CCDC170: variants seen among roughly 807,000 people sequenced by gnomAD.
CCDC170 encodes coiled-coil domain containing 170.
In CCDC170, 69 loss-of-function variants were observed where a neutral mutation model predicts 72.6. The observed-to-expected ratio is 0.95, with a 90% CI of 0.78 to 1.16. The LOEUF (loss-of-function observed/expected upper bound fraction) is 1.16, where lower values mean the gene tolerates loss of function less well. CCDC170 is among the 50% of genes most tolerant of loss of function. CCDC170 has a pLI of 0.00. For synonymous variants in CCDC170, 300 were observed against 303.9 expected (o/e 0.99, Z 0.13); for missense variants, 852 against 832.5 (o/e 1.02, Z -0.29).
At chr6:151,587,510 G>C (rs148514615) in intron 7 of CCDC170, among the ~76,000 whole-genome samples, 1 of 152,184 alleles carries the variant, frequency 6.6e-6, no homozygotes, top group African/African-American at 2.4e-5. Flanking sequence ...ACAGGCCCAA[G>C]AGCCTCGATG....
chr6:151,572,548 TTTTATTA>T (rs1217095320), intron 5 of CCDC170, among the ~76,000 whole-genome samples: 1 of 152,090 alleles, frequency 6.6e-6, no homozygotes, highest in Non-Finnish European at 1.5e-5. Flanking sequence ...AATGATTTGT[TTTTATTA>T]ACTCTTTCCA....
intron 7 of CCDC170, among the ~76,000 whole-genome samples, chr6:151,591,639 T>C (rs536248443): frequency 2.6e-5 from 4 of 151,816 alleles, no homozygotes; most frequent in Middle Eastern, 3.4e-3. Context: ...GGACTACAGG[T>C]GCCCGCCACC....
At chr6:151,511,492 A>T (rs1202049986) in intron 1 of CCDC170, among the ~76,000 whole-genome samples, 2 of 152,206 alleles carry the variant, frequency 1.3e-5, no homozygotes, top group African/African-American at 4.8e-5. Flanking sequence ...CATTCACCAG[A>T]TATTTATGGG....
At chr6:151,534,042 T>C (rs576594199) in intron 1 of CCDC170, among the ~76,000 whole-genome samples, 4 of 151,668 alleles carry the variant, frequency 2.6e-5, no homozygotes, top group Non-Finnish European at 5.9e-5. Flanking sequence ...CTTTCTTTCT[T>C]TTCTCGTTCA....
chr6:151,574,130 T>A (rs142194769), intron 6 of CCDC170, among the ~76,000 whole-genome samples: 94 of 152,378 alleles, frequency 6.2e-4, no homozygotes, highest in African/African-American at 2.1e-3. Flanking sequence ...GAAGAATTTC[T>A]TGAGCCCACG....
intron 5 of CCDC170, among the ~76,000 whole-genome samples, chr6:151,560,015 T>C (rs1365431832): frequency 6.6e-6 from 1 of 152,210 alleles, no homozygotes; most frequent in Non-Finnish European, 1.5e-5. Context: ...TTTTTGTAGT[T>C]CCATTAGGTG....
Position 151,596,490 on chromosome 6 carries a change from G to A in CCDC170, c.1623G>A (p.Lys541=), listed in dbSNP as rs1487259214. ...AHLTIRNLQK[K]VERLQKELNT... ...TTACCATCAGGAACTTGCAGAAGAAGGTGGAGAGGCTGCAGAAAGAGCTGA... is the reference window on the plus strand; with the variant it reads ...TTACCATCAGGAACTTGCAGAAGAAAGTGGAGAGGCTGCAGAAAGAGCTGA... Residue 541 remains lysine (K), a synonymous_variant, in exon 9 of 11, where the codon AAG becomes AAA. Transcript: ENST00000239374. 1.2e-6 allele frequency: 2 copies of A among 1,614,106 alleles called. No homozygotes were observed. Among genetic ancestry groups the A allele is most frequent in the East Asian group, 4.5e-5 (2 of 44,884 alleles).
intron 1 of CCDC170, among the ~76,000 whole-genome samples, chr6:151,495,648 A>G (rs374253435): frequency 5.3e-5 from 8 of 151,972 alleles, no homozygotes; most frequent in African/African-American, 1.2e-4. Flanking sequence ...CAGGCATGCC[A>G]TGATGCCTGG....
Position 151,538,103 on chromosome 6 carries a change from C to T in CCDC170, c.245C>T (p.Ala82Val). The T allele has an allele frequency of 3.1e-6, 5 of 1,613,300 alleles. No homozygotes were observed. Among genetic ancestry groups the T allele is most frequent in the Non-Finnish European group, 4.2e-6 (5 of 1,179,794 alleles). ...SKEVSCQELK[A>V]EMESYKENNA... ...GAAGTCTCCTGTCAAGAACTGAAAGCTGAAATGGAGAGCTACAAGGAAAAC... is the reference window on the plus strand; with the variant it reads ...GAAGTCTCCTGTCAAGAACTGAAAGTTGAAATGGAGAGCTACAAGGAAAAC... Residue 82 changes from alanine to valine, a missense_variant, in exon 3 of 11, where the codon GCT becomes GTT. Ala to Val is a moderately conservative substitution (Grantham distance 64). Coordinates refer to ENST00000239374, the MANE Select transcript of CCDC170 (RefSeq NM_025059.4).
rs1318485042 is a variant in CCDC170 at position 151,595,341 on chromosome 6, T to G, written c.1468-994T>G. ...TTCCTTTTTTAGGTTTGGTTACCAA[T>G]GATAAATGATGTTTGAGGAGCTATC... On this transcript the variant is annotated intron_variant, in intron 8 of 10. Transcript: ENST00000239374. 3.3e-5 allele frequency among the ~76,000 whole-genome samples: 5 copies of G among 152,180 alleles called. No individual in the cohort carries two copies. In the East Asian group the frequency reaches 9.6e-4, roughly 29 times the overall value.
intron 1 of CCDC170, among the ~76,000 whole-genome samples, chr6:151,505,456 G>T (rs558841961): frequency 1.3e-5 from 2 of 152,226 alleles, no homozygotes; most frequent in South Asian, 4.1e-4. Flanking sequence ...GGCCGAGGTG[G>T]GCAGGTCACG....
intron 1 of CCDC170, among the ~76,000 whole-genome samples, chr6:151,527,288 G>A (rs556103741): frequency 7.2e-5 from 11 of 152,084 alleles, no homozygotes; most frequent in South Asian, 4.2e-4. Flanking sequence ...TTTTTTCACC[G>A]TACTTGATTT....
rs1161146124 is a variant in CCDC170 at position 151,618,847 on chromosome 6, C to T, written c.*700C>T. ...CTAACATAGTGAGACCCTGTTTCTA[C>T]TAAAAATACAAAAATAAGCCAGGTG... On this transcript the variant is annotated 3_prime_UTR_variant, in exon 11 of 11. Coordinates refer to ENST00000239374, the MANE Select transcript of CCDC170 (RefSeq NM_025059.4). 1.3e-5 allele frequency: 2 copies of T among 151,930 alleles called. No individual in the cohort carries two copies. The highest frequency in any genetic ancestry group is 2.9e-5 in the Non-Finnish European group (2 of 68,052). 9.4% of individuals were successfully genotyped at this position (151,930 alleles called of 1,614,324 possible).
At chr6:151,560,631 T>A (rs1294374173) in intron 5 of CCDC170, among the ~76,000 whole-genome samples, 1 of 152,182 alleles carries the variant, frequency 6.6e-6, no homozygotes, top group African/African-American at 2.4e-5. Context: ...ATTTTATAAA[T>A]CTGGGTGCTC....
intron 7 of CCDC170, among the ~76,000 whole-genome samples, chr6:151,589,230 G>T (rs762029600): frequency 6.6e-6 from 1 of 151,080 alleles, no homozygotes. Context: ...ACTCCAGCCT[G>T]GGTGACAGAG....
At chr6:151,537,402 T>G (rs1018450443) in intron 2 of CCDC170, among the ~76,000 whole-genome samples, 1 of 152,160 alleles carries the variant, frequency 6.6e-6, no homozygotes, top group Non-Finnish European at 1.5e-5. Flanking sequence ...TTTCATAACT[T>G]TTTCTCATAG....
At chr6:151,570,656 A>G (rs927125487) in intron 5 of CCDC170, among the ~76,000 whole-genome samples, 1 of 152,212 alleles carries the variant, frequency 6.6e-6, no homozygotes, top group Non-Finnish European at 1.5e-5. Flanking sequence ...CAATTCCCCA[A>G]GGATACCAAG....
intron 2 of CCDC170, among the ~76,000 whole-genome samples, chr6:151,537,601 A>G (rs1338160602): frequency 6.6e-6 from 1 of 152,182 alleles, no homozygotes; most frequent in African/African-American, 2.4e-5. Context: ...TCCAGGAGAT[A>G]AGTGTGAGAA....
chr6:151,538,256 A>C lies in CCDC170; in HGVS notation c.398A>C (p.Asn133Thr). The change falls in exon 3 of 11, where the codon AAC becomes ACC. Residue 133 changes from asparagine (N) to threonine (T), a missense_variant. Asn to Thr is a moderately conservative substitution (Grantham distance 65). Transcript: ENST00000239374. ...ACAGCTCACGCTGCAATCAAGGAGA[A>C]CCAGGAATTAAAGAAGAAAGTTGTA... ...EITAHAAIKE[N>T]QELKKKVVEL... 1 of 1,613,848 alleles carries C rather than the reference A, an allele frequency of 6.2e-7. No homozygotes were observed. Among genetic ancestry groups the C allele is most frequent in the Non-Finnish European group, 8.5e-7 (1 of 1,179,858 alleles).
Sources: gnomAD v4.1 joint callset for allele counts (sites outside exome capture counted in the v4.1 genomes callset) on GRCh38, gnomAD v4.1.1 for gene constraint, MANE v1.5 for transcripts, NCBI Gene and HGNC (gene_info 2026-07-23, HGNC 2026-07-21) for gene names.